SPECC1: variants seen among roughly 807,000 people sequenced by gnomAD.
SPECC1 encodes the protein sperm antigen with calponin homology and coiled-coil domains 1.
SPECC1 carries 62 observed loss-of-function variants against 104.1 expected under a neutral mutation model. The ratio of observed to expected loss-of-function variants is 0.60; its 90% confidence interval spans 0.49 to 0.74. SPECC1 has a LOEUF of 0.74. Ranked by LOEUF, SPECC1 falls within the 30% of genes least tolerant of loss-of-function variation. The pLI, the probability that SPECC1 is intolerant of heterozygous loss-of-function variation, is 0.00. For synonymous variants in SPECC1, 513 were observed against 501.6 expected (o/e 1.02, Z -0.30); for missense variants, 1,306 against 1,310.5 (o/e 1.00, Z 0.05).
intron 3 of SPECC1, among the ~76,000 whole-genome samples, chr17:20,159,033 C>T (rs1452243517): frequency 6.6e-6 from 1 of 151,882 alleles, no homozygotes; most frequent in Non-Finnish European, 1.5e-5. Context: ...TCTTGGCTCA[C>T]TGCAACCTCT....
At chr17:20,186,095 C>T (rs1260699019) in intron 3 of SPECC1, among the ~76,000 whole-genome samples, 6 of 152,178 alleles carry the variant, frequency 3.9e-5, no homozygotes, top group Admixed American at 6.5e-5. Context: ...TCCTCGGCCT[C>T]CCAAAGTGCT....
At chr17:20,037,864 C>T (rs559995854) in intron 1 of SPECC1, among the ~76,000 whole-genome samples, 1 of 151,830 alleles carries the variant, frequency 6.6e-6, no homozygotes, top group South Asian at 2.1e-4. Context: ...GGTATAATTA[C>T]CTTATCTAAT....
At chr17:20,110,318 G>A (rs766076556) in intron 2 of SPECC1, 109 bp from the exon 3 acceptor site, 310 of 1,320,376 alleles carry the variant, frequency 2.3e-4, no homozygotes, top group Non-Finnish European at 3.0e-4. Context: ...TGCTGTTATT[G>A]TATCTTGACT....
intron 3 of SPECC1, among the ~76,000 whole-genome samples, chr17:20,170,491 A>C (rs940448488): frequency 2.6e-5 from 4 of 152,134 alleles, no homozygotes; most frequent in African/African-American, 7.2e-5. Flanking sequence ...ACCACTACAA[A>C]AGTGACCCAG....
At chr17:20,019,579 T>A (rs1026314237) in intron 1 of SPECC1, among the ~76,000 whole-genome samples, 3 of 152,196 alleles carry the variant, frequency 2.0e-5, no homozygotes, top group Non-Finnish European at 4.4e-5. Flanking sequence ...CTTTTGAACT[T>A]TATCTGCAAA....
At chr17:20,270,433 C>CAA (rs71157863) in intron 12 of SPECC1, among the ~76,000 whole-genome samples, 602 of 43,580 alleles carry the variant, frequency 0.014, 84 homozygotes, top group Non-Finnish European at 0.019. Flanking sequence ...CTGTCTTTAC[C>CAA]AAAAAAAAAA....
At chr17:20,238,231 A>C in intron 7 of SPECC1, 1 of 1,040,284 alleles carries the variant, frequency 9.6e-7, no homozygotes, top group Middle Eastern at 4.4e-4. Flanking sequence ...ATAGAAATCT[A>C]ATGGAAAACG....
intron 13 of SPECC1, among the ~76,000 whole-genome samples, chr17:20,297,606 C>T (rs1258430746): frequency 6.6e-6 from 1 of 152,174 alleles, no homozygotes; most frequent in Non-Finnish European, 1.5e-5. Flanking sequence ...GTCAGGTGGT[C>T]CAGTCACAAC....
intron 13 of SPECC1, among the ~76,000 whole-genome samples, chr17:20,299,549 C>T (rs2041491148): frequency 1.7e-5 from 2 of 117,480 alleles, no homozygotes; most frequent in Non-Finnish European, 3.2e-5. Context: ...GACAGAGACC[C>T]TGTCTCAAAA....
At chr17:20,215,096 C>G (rs921357674) in intron 4 of SPECC1, among the ~76,000 whole-genome samples, 7 of 152,276 alleles carry the variant, frequency 4.6e-5, no homozygotes, top group Admixed American at 2.0e-4. Flanking sequence ...CCGGGAGCCT[C>G]TGCCCTTCCA....
chr17:20,317,055 ATTTTTT>A lies in SPECC1; in HGVS notation c.*2999_*3004del, dbSNP rs35118209. ...AACTCCAGGAGTTTCCCCGACTACC[ATTTTTT>A]TTTTTTTTATTTGCCAGTGGTGTGC... On this transcript the variant is annotated 3_prime_UTR_variant, in exon 15 of 15. Transcript: ENST00000395527. The A allele has an allele frequency of 5.7e-6, 1 of 173,978 alleles. No individual in the cohort carries two copies. The highest frequency in any genetic ancestry group is 6.5e-5 in the Admixed American group (1 of 15,396). The allele number at this position is 173,978 out of a possible 1,614,324, so 10.8% of individuals were successfully genotyped here. A position where few individuals can be genotyped will look rare whatever the true frequency, so the allele number is the denominator to read the frequency against.
intron 1 of SPECC1, among the ~76,000 whole-genome samples, chr17:20,013,432 A>G (rs1340282532): frequency 6.6e-6 from 1 of 152,104 alleles, no homozygotes; most frequent in African/African-American, 2.4e-5. Flanking sequence ...TTTAATAGGT[A>G]GCTTTAGCCC....
intron 7 of SPECC1, among the ~76,000 whole-genome samples, chr17:20,241,529 G>A (rs1331151395): frequency 6.6e-6 from 1 of 152,056 alleles, no homozygotes; most frequent in Admixed American, 6.6e-5. Flanking sequence ...AAAGCCCTTG[G>A]TATTGTATTT....
rs572835343 is a variant in SPECC1, at chr17:20,043,541, T to C, written c.-22+34117T>C. On this transcript the variant is annotated intron_variant, in intron 1 of 14. Transcript: ENST00000395527. ...TAATTCATGTTTTATAATTCATTAC[T>C]GTCATGTTTTTCTTGAAATTGTTCC... is the stretch of plus-strand genomic sequence containing the variant. Among the ~76,000 whole-genome samples, 6 of 152,368 alleles carry C rather than the reference T, an allele frequency of 3.9e-5. No individual in the cohort carries two copies. In the South Asian group the frequency reaches 1.2e-3, roughly 32 times the overall value.
chr17:20,096,695 G>C lies in SPECC1; in HGVS notation c.44G>C (p.Gly15Ala), dbSNP rs2047662455. The change falls in exon 2 of 15, where the codon GGG (glycine) becomes GCG (alanine). Residue 15 changes from glycine (G) to alanine (A), a missense_variant. Transcript: ENST00000395527. ...CCCTGGAACCCAGCCATCAGAGCAG[G>C]GGGCCACGGCCCAGACCGGGTGCGG... ...AKPWNPAIRA[G>A]GHGPDRVRPL... 1.2e-6 allele frequency: 2 copies of C among 1,614,194 alleles called. No homozygotes were observed. The highest frequency in any genetic ancestry group is 1.1e-5 in the South Asian group (1 of 91,074).
intron 3 of SPECC1, among the ~76,000 whole-genome samples, chr17:20,123,816 G>A (rs979691882): frequency 3.9e-5 from 6 of 152,212 alleles, no homozygotes; most frequent in African/African-American, 7.2e-5. Context: ...CTCAGTGTGC[G>A]ATGAATATGG....
chr17:20,310,596 AC>A (rs2041903795), intron 14 of SPECC1, among the ~76,000 whole-genome samples: 1 of 152,218 alleles, frequency 6.6e-6, no homozygotes, highest in Non-Finnish European at 1.5e-5. Context: ...ATGTGATGTC[AC>A]TGTCATAAAA....
chr17:20,303,240 A>G (rs1309618646), intron 13 of SPECC1, among the ~76,000 whole-genome samples: 2 of 152,264 alleles, frequency 1.3e-5, no homozygotes, highest in African/African-American at 2.4e-5. Flanking sequence ...CAATAGCACC[A>G]AAATAGGAGA....
chr17:20,241,362 T>G (rs1308930035), intron 7 of SPECC1, among the ~76,000 whole-genome samples: 3 of 152,192 alleles, frequency 2.0e-5, no homozygotes, highest in Non-Finnish European at 2.9e-5. Flanking sequence ...AACCTTGGCC[T>G]TCTCGGATGT....
Sources: gnomAD v4.1 joint callset for allele counts (sites outside exome capture counted in the v4.1 genomes callset) on GRCh38, gnomAD v4.1.1 for gene constraint, MANE v1.5 for transcripts, NCBI Gene and HGNC (gene_info 2026-07-23, HGNC 2026-07-21) for gene names.